C12orf56: variants seen among roughly 807,000 people sequenced by gnomAD.
C12orf56 encodes the protein chromosome 12 open reading frame 56.
C12orf56 carries 71 observed loss-of-function variants against 69.9 expected under a neutral mutation model. The observed-to-expected ratio is 1.02, with a 90% CI of 0.84 to 1.24. C12orf56 has a LOEUF of 1.24. Ranked by LOEUF, C12orf56 falls within the 50% of genes most tolerant of loss-of-function variation. The probability of loss-of-function intolerance (pLI) is 0.00; values close to 1 mark genes in which losing one functional copy is unlikely to be tolerated. For missense variants in C12orf56, 732 were observed against 738.5 expected (o/e 0.99, Z 0.10); for synonymous variants, 276 against 274.1 (o/e 1.01, Z -0.07).
chr12:64,289,293 C>G (rs1235350340), intron 6 of C12orf56, among the ~76,000 whole-genome samples: 1 of 121,886 alleles, frequency 8.2e-6, no homozygotes, highest in African/African-American at 2.9e-5. Flanking sequence ...ATGTCGTCTG[C>G]AAACAGGGAC....
rs60079906 is a variant in C12orf56 at position 64,380,104 on chromosome 12, CAAAAAAAA to C, written c.252+10202_252+10209del. On this transcript the variant is annotated intron_variant, in intron 1 of 12. Coordinates refer to ENST00000543942, the MANE Select transcript of C12orf56 (RefSeq NM_001170633.2). ...TGGGCGACAGAGCAAGACTCCGTCG[CAAAAAAAA>C]AAAAAAAAAAAAAAAAAAAAAACAA... Among the ~76,000 whole-genome samples, 37 of 49,976 alleles carry C rather than the reference CAAAAAAAA, an allele frequency of 7.4e-4. 1 individual carries two copies. Among genetic ancestry groups the C allele is most frequent in the Middle Eastern group, 0.017 (1 of 58 alleles). 32.8% of individuals were successfully genotyped at this position (49,976 alleles called of 152,430 possible). A position where few individuals can be genotyped will look rare whatever the true frequency, so the allele number is the denominator to read the frequency against.
intron 5 of C12orf56, among the ~76,000 whole-genome samples, chr12:64,304,744 G>A (rs993243323): frequency 1.3e-5 from 2 of 152,132 alleles, no homozygotes; most frequent in African/African-American, 4.8e-5. Flanking sequence ...AGTGCTTTCC[G>A]TAGACTCGTT....
chr12:64,345,920 C>G (rs1259437306), intron 2 of C12orf56, among the ~76,000 whole-genome samples: 1 of 152,092 alleles, frequency 6.6e-6, no homozygotes, highest in Non-Finnish European at 1.5e-5. Flanking sequence ...CAGTTTATGC[C>G]AAGGACTATC....
intron 5 of C12orf56, among the ~76,000 whole-genome samples, chr12:64,304,653 T>C (rs1565746697): frequency 6.6e-6 from 1 of 152,164 alleles, no homozygotes; most frequent in East Asian, 1.9e-4. Context: ...CCGGGTTAAA[T>C]ATTGTTTCCC....
intron 1 of C12orf56, among the ~76,000 whole-genome samples, chr12:64,362,825 G>C (rs2039416173): frequency 1.3e-5 from 2 of 152,026 alleles, no homozygotes; most frequent in Admixed American, 6.6e-5. Flanking sequence ...GAAAGGGGTG[G>C]GAAATTCCTG....
chr12:64,311,080 G>A (rs1329511128), intron 5 of C12orf56, among the ~76,000 whole-genome samples: 1 of 152,062 alleles, frequency 6.6e-6, no homozygotes, highest in East Asian at 1.9e-4. Context: ...AGTATTCCAT[G>A]GTGTATATGT....
In C12orf56 at chr12:64,318,728, TC is replaced by T. The variant is rs2038724150; in HGVS notation, c.740del (p.Gly247GlufsTer6). ...GGGAATTTCCTAAGTAAAACTCATT[TC>T]CATTCCCATTGCACTTGAAAGGAAT... is the stretch of plus-strand genomic sequence containing the variant. ...SEIPFKCNGNGNEFYLGNSLL... is the reference protein window; with the variant it reads ...SEIPFKCNGNXNEFYLGNSLL... On this transcript the variant is annotated frameshift_variant, in exon 4 of 13. Transcript: ENST00000543942. LOFTEE classifies it high-confidence loss of function. 1 of 1,536,912 alleles carries T rather than the reference TC, an allele frequency of 6.5e-7. No individual in the cohort carries two copies. The highest frequency in any genetic ancestry group is 1.4e-5 in the African/African-American group (1 of 72,940).
chr12:64,305,674 C>T (rs936816182), intron 5 of C12orf56, among the ~76,000 whole-genome samples: 6 of 152,216 alleles, frequency 3.9e-5, no homozygotes, highest in South Asian at 2.1e-4. Context: ...TGAGCCACTA[C>T]GCCCGGCCAA....
rs1333626083 is a variant in C12orf56, at chr12:64,302,250, T to C, written c.1113+1385A>G. On this transcript the variant is annotated intron_variant, in intron 6 of 12. Coordinates refer to ENST00000543942, the MANE Select transcript of C12orf56 (RefSeq NM_001170633.2). ...CCAACCATTTTAGACTACGCAGCACTACATCATCCTTACCTGAGTCTCAAT... is the reference window on the plus strand; with the variant it reads ...CCAACCATTTTAGACTACGCAGCACCACATCATCCTTACCTGAGTCTCAAT... 3.9e-5 allele frequency among the ~76,000 whole-genome samples: 6 copies of C among 152,300 alleles called. No homozygotes were observed. In the East Asian group the frequency reaches 9.7e-4, roughly 25 times the overall value.
At chr12:64,355,631 T>A (rs1001712034) in intron 1 of C12orf56, 17 of 152,346 alleles carry the variant, frequency 1.1e-4, no homozygotes, top group African/African-American at 4.1e-4. Context: ...CTTGGGCAGA[T>A]ATTAAATTGA....
At chr12:64,282,969 G>T (rs1010806500) in intron 8 of C12orf56, among the ~76,000 whole-genome samples, 2 of 151,248 alleles carry the variant, frequency 1.3e-5, no homozygotes, top group African/African-American at 4.9e-5. Flanking sequence ...ATGGTGAAAC[G>T]CCATCTCTAC....
chr12:64,377,793 A>G (rs1297079894), intron 1 of C12orf56, among the ~76,000 whole-genome samples: 3 of 152,166 alleles, frequency 2.0e-5, no homozygotes, highest in African/African-American at 7.2e-5. Flanking sequence ...AAACATACAA[A>G]ATGTAAGATG....
intron 5 of C12orf56, among the ~76,000 whole-genome samples, chr12:64,309,187 TAA>T (rs1321164369): frequency 6.6e-6 from 1 of 152,214 alleles, no homozygotes; most frequent in Non-Finnish European, 1.5e-5. Context: ...TCAGTGGCAT[TAA>T]GTTAATTCAC....
intron 3 of C12orf56, among the ~76,000 whole-genome samples, chr12:64,326,340 T>C (rs2038838891): frequency 6.6e-6 from 1 of 152,250 alleles, no homozygotes; most frequent in South Asian, 2.1e-4. Flanking sequence ...AACAAAATTC[T>C]ACAAATAGAA....
chr12:64,305,052 C>G (rs1408503319), intron 5 of C12orf56, among the ~76,000 whole-genome samples: 1 of 152,098 alleles, frequency 6.6e-6, no homozygotes, highest in African/African-American at 2.4e-5. Flanking sequence ...CTACCTCCCC[C>G]TTTATTTAAA....
rs7955105 is a variant in C12orf56, at chr12:64,318,731, A to G, written c.738T>C (p.Asn246=). The change falls in exon 4 of 13, where the codon AAT becomes AAC. Residue 246 remains asparagine (N), a synonymous_variant. Coordinates refer to ENST00000543942, the MANE Select transcript of C12orf56 (RefSeq NM_001170633.2). ...ISEIPFKCNG[N]GNEFYLGNSL... ...AATTTCCTAAGTAAAACTCATTTCC[A>G]TTCCCATTGCACTTGAAAGGAATTT... 1,533,016 of 1,537,188 alleles carry G rather than the reference A, an allele frequency of 1. 764,524 individuals carry two copies. Among genetic ancestry groups the G allele is most frequent in the East Asian group, 1 (40,913 of 40,914 alleles).
intron 5 of C12orf56, among the ~76,000 whole-genome samples, chr12:64,308,521 A>G (rs1174670021): frequency 6.6e-6 from 1 of 151,996 alleles, no homozygotes; most frequent in Non-Finnish European, 1.5e-5. Flanking sequence ...TTTCAAACAT[A>G]CATCAAAATG....
rs1380821865 is a variant in C12orf56 at position 64,267,294 on chromosome 12, A to G, written c.1764-6T>C. The G allele has an allele frequency of 3.1e-6, 5 of 1,594,766 alleles. No individual in the cohort carries two copies. The highest frequency in any genetic ancestry group is 4.3e-6 in the Non-Finnish European group (5 of 1,168,198). On this transcript the variant is annotated splice_region_variant and splice_polypyrimidine_tract_variant and intron_variant, in intron 12 of 12. Transcript: ENST00000543942. ...CTGGCATGTGAATAAAGTACCTGCA[A>G]ATCATAAAAAGAAACAAAATAGAGA...
intron 6 of C12orf56, among the ~76,000 whole-genome samples, chr12:64,286,833 T>C (rs908536419): frequency 3.3e-5 from 5 of 152,104 alleles, no homozygotes; most frequent in African/African-American, 7.2e-5. Context: ...TCAGGTGATA[T>C]GGCATGAGAA....
Sources: gnomAD v4.1 joint callset for allele counts (sites outside exome capture counted in the v4.1 genomes callset) on GRCh38, gnomAD v4.1.1 for gene constraint, MANE v1.5 for transcripts, NCBI Gene and HGNC (gene_info 2026-07-23, HGNC 2026-07-21) for gene names.